CDH10: variants seen among roughly 807,000 people sequenced by gnomAD.
CDH10 encodes cadherin-10.
Under a neutral mutation model 73.1 loss-of-function variants are expected in CDH10, and 30 were observed. The observed-to-expected ratio is 0.41, with a 90% CI of 0.31 to 0.56. The LOEUF (loss-of-function observed/expected upper bound fraction) is 0.56. Among genes scored for constraint, CDH10 ranks in the 20% least tolerant of loss-of-function variants. CDH10 has a pLI of 0.27. For missense variants in CDH10, 815 were observed against 973.7 expected, an observed-to-expected ratio of 0.84 and a Z score of 2.17; for synonymous variants, 345 against 348.2, an observed-to-expected ratio of 0.99 and a Z score of 0.10.
chr5:24,536,759 A>C (rs1743967587), intron 3 of CDH10, among the ~76,000 whole-genome samples: 1 of 151,964 alleles, frequency 6.6e-6, no homozygotes, highest in Admixed American at 6.6e-5. Context: ...TACAGGTTCC[A>C]CAATCTAACT....
At chr5:24,601,655 A>G (rs958940894) in intron 1 of CDH10, among the ~76,000 whole-genome samples, 1 of 152,206 alleles carries the variant, frequency 6.6e-6, no homozygotes, top group African/African-American at 2.4e-5. Flanking sequence ...GATTGCAAAC[A>G]TATCATTGAT....
chr5:24,556,731 A>ATTCTGT (rs1337255837), intron 2 of CDH10, among the ~76,000 whole-genome samples: 3 of 151,710 alleles, frequency 2.0e-5, no homozygotes, highest in Non-Finnish European at 4.4e-5. Context: ...AACAGAATTA[A>ATTCTGT]AATATTTACA....
chr5:24,497,480 C>T (rs1049475537), intron 9 of CDH10, among the ~76,000 whole-genome samples: 27 of 152,018 alleles, frequency 1.8e-4, no homozygotes, highest in African/African-American at 6.5e-4. Flanking sequence ...AAAAATGAAT[C>T]AAATTGCAGC....
intron 11 of CDH10, among the ~76,000 whole-genome samples, chr5:24,490,647 T>G (rs2111629064): frequency 6.6e-6 from 1 of 152,216 alleles, no homozygotes; most frequent in East Asian, 1.9e-4. Context: ...ATAAAGAACG[T>G]GGAAATATTT....
At chr5:24,519,207 G>A (rs921076039) in intron 5 of CDH10, among the ~76,000 whole-genome samples, 3 of 151,924 alleles carry the variant, frequency 2.0e-5, no homozygotes, top group Admixed American at 2.0e-4. Flanking sequence ...CAAAATTTGA[G>A]TTAAAAATTC....
chr5:24,546,220 T>C lies in CDH10; in HGVS notation c.232-8546A>G, dbSNP rs535365624. ...GTGTGTGTACAAAATACACAAACAATGCTAACACAGTATCAGGGGGTACAA... is the reference window on the plus strand; with the variant it reads ...GTGTGTGTACAAAATACACAAACAACGCTAACACAGTATCAGGGGGTACAA... On this transcript the variant is annotated intron_variant, in intron 2 of 11. Coordinates refer to ENST00000264463, the MANE Select transcript of CDH10 (RefSeq NM_006727.5). Among the ~76,000 whole-genome samples the C allele has an allele frequency of 2.2e-3, 340 of 151,990 alleles. 2 individuals carry two copies. Among genetic ancestry groups the C allele is most frequent in the Non-Finnish European group, 3.8e-3 (257 of 67,972 alleles).
chr5:24,516,910 C>T (rs1376747343), intron 5 of CDH10, among the ~76,000 whole-genome samples: 2 of 151,710 alleles, frequency 1.3e-5, no homozygotes, highest in African/African-American at 2.4e-5. Flanking sequence ...AAATACATAA[C>T]TCTTGCTTCA....
intron 1 of CDH10, among the ~76,000 whole-genome samples, chr5:24,604,481 C>T (rs900296928): frequency 1.3e-5 from 2 of 151,986 alleles, no homozygotes; most frequent in African/African-American, 4.8e-5. Flanking sequence ...GAGATGATAC[C>T]TAAATCATGA....
At chr5:24,488,201 T>G (rs1741918313) in intron 11 of CDH10, 48 bp from the exon 12 acceptor site, 1 of 1,452,704 alleles carries the variant, frequency 6.9e-7, no homozygotes, top group Non-Finnish European at 9.3e-7. Context: ...CAAAACACTA[T>G]AAATAACGAG....
intron 8 of CDH10, among the ~76,000 whole-genome samples, chr5:24,503,790 GA>G (rs894106947): frequency 5.9e-5 from 9 of 152,020 alleles, no homozygotes; most frequent in Admixed American, 5.2e-4. Flanking sequence ...AATATTAGAA[GA>G]AAATAAATTC....
intron 1 of CDH10, among the ~76,000 whole-genome samples, chr5:24,631,620 T>A (rs16899440): frequency 0.047 from 7,072 of 151,922 alleles, 230 homozygotes; most frequent in South Asian, 0.15. Flanking sequence ...TAGAAGACCA[T>A]GTTCCCTCAT....
intron 2 of CDH10, among the ~76,000 whole-genome samples, chr5:24,545,494 G>A (rs1184086197): frequency 6.6e-6 from 1 of 152,076 alleles, no homozygotes; most frequent in Non-Finnish European, 1.5e-5. Flanking sequence ...TTTAAACGCA[G>A]GTGAGGGCTC....
intron 2 of CDH10, among the ~76,000 whole-genome samples, chr5:24,551,852 A>T (rs956167910): frequency 6.6e-6 from 1 of 152,116 alleles, no homozygotes; most frequent in Admixed American, 6.5e-5. Flanking sequence ...AAGCTTTACA[A>T]CTATTACTGA....
At chr5:24,552,207 G>T (rs7735817) in intron 2 of CDH10, among the ~76,000 whole-genome samples, 45,747 of 151,688 alleles carry the variant, frequency 0.3, 8,607 homozygotes, top group African/African-American at 0.54. Context: ...GCTGACTTTT[G>T]CCATATGAAT....
chr5:24,552,285 T>C (rs1008573960), intron 2 of CDH10, among the ~76,000 whole-genome samples: 40 of 152,068 alleles, frequency 2.6e-4, no homozygotes, highest in Admixed American at 2.0e-3. Flanking sequence ...ACATATTCTT[T>C]TTATGGGAAT....
At chr5:24,632,583 G>C (rs1013360398) in intron 1 of CDH10, among the ~76,000 whole-genome samples, 2 of 151,970 alleles carry the variant, frequency 1.3e-5, no homozygotes, top group Non-Finnish European at 2.9e-5. Flanking sequence ...ATGAGAAATG[G>C]CATGCTCTGA....
intron 2 of CDH10, among the ~76,000 whole-genome samples, chr5:24,589,473 G>T (rs773212802): frequency 6.6e-6 from 1 of 151,164 alleles, no homozygotes; most frequent in Non-Finnish European, 1.5e-5. Flanking sequence ...ATTTATGGTT[G>T]CCCCTTTATG....
chr5:24,604,937 G>C (rs908428901), intron 1 of CDH10, among the ~76,000 whole-genome samples: 1 of 146,202 alleles, frequency 6.8e-6, no homozygotes, highest in African/African-American at 2.7e-5. Context: ...AAAACTCTTA[G>C]AAAATAATTG....
At position 24,586,843 on chromosome 5, in the gene CDH10, C is replaced by CTTTTTTTTTTTTTTTTTTTT. The variant is rs1001227038; in HGVS notation, c.231+6416_231+6417insAAAAAAAAAAAAAAAAAAAA. 3.1e-4 allele frequency among the ~76,000 whole-genome samples: 32 copies of CTTTTTTTTTTTTTTTTTTTT among 102,758 alleles called. 3 individuals are homozygous for CTTTTTTTTTTTTTTTTTTTT. The highest frequency in any genetic ancestry group is 5.5e-4 in the African/African-American group (13 of 23,782). 67.4% of individuals were successfully genotyped at this position (102,758 alleles called of 152,430 possible). On this transcript the variant is annotated intron_variant, in intron 2 of 11. Coordinates refer to ENST00000264463, the MANE Select transcript of CDH10 (RefSeq NM_006727.5). ...GTAAAACAATAAGATAGCCCATATTCTTTTTTTTTTTTTTTTTTTGAGCCG... is the reference window on the plus strand; with the variant it reads ...GTAAAACAATAAGATAGCCCATATTCTTTTTTTTTTTTTTTTTTTTTTTTTTTTTTTTTTTTTTTGAGCCG...
Sources: gnomAD v4.1 joint callset for allele counts (sites outside exome capture counted in the v4.1 genomes callset) on GRCh38, gnomAD v4.1.1 for gene constraint, MANE v1.5 for transcripts, NCBI Gene and HGNC (gene_info 2026-07-23, HGNC 2026-07-21) for gene names.